IFT80: variants seen among roughly 807,000 people sequenced by gnomAD.
IFT80 encodes the protein intraflagellar transport protein 80 homolog.
Under a neutral mutation model 107.9 loss-of-function variants are expected in IFT80, and 79 were observed. The ratio of observed to expected loss-of-function variants is 0.73; its 90% CI spans 0.61 to 0.88. The LOEUF (loss-of-function observed/expected upper bound fraction) is 0.88, where lower values mean the gene tolerates loss of function less well. Ranked by LOEUF, IFT80 falls within the 40% of genes least tolerant of loss-of-function variation. The probability of loss-of-function intolerance (pLI) is 0.00; values close to 1 mark genes in which losing one functional copy is unlikely to be tolerated. For synonymous variants in IFT80, 299 were observed against 300.9 expected (o/e 0.99, Z 0.07); for missense variants, 797 against 914.2 (o/e 0.87, Z 1.65).
At chr3:160,267,544 G>A (rs1220675701) in intron 19 of IFT80, among the ~76,000 whole-genome samples, 2 of 152,198 alleles carry the variant, frequency 1.3e-5, no homozygotes, top group East Asian at 3.8e-4. Context: ...GCCCTGTCTT[G>A]TAATCACAGC....
At chr3:160,348,088 C>G (rs1351362160) in intron 8 of IFT80, among the ~76,000 whole-genome samples, 2 of 152,138 alleles carry the variant, frequency 1.3e-5, no homozygotes, top group African/African-American at 2.4e-5. Flanking sequence ...ATCTTTTCAA[C>G]TTATTGGGTA....
chr3:160,277,748 T>C (rs1477891457), intron 16 of IFT80, 78 bp from the exon 17 acceptor site: 9 of 861,586 alleles, frequency 1.0e-5, no homozygotes, highest in South Asian at 4.4e-5. Flanking sequence ...TAAATACTCA[T>C]ACTAAAATGA....
In IFT80 at chr3:160,257,943, A is replaced by G. The variant is rs1170410050; in HGVS notation, c.*582T>C. ...ATTTATCAGAATTTCATTCCTTTTT[A>G]AAGCTAAATAATATTCCATTGTATG... On this transcript the variant is annotated 3_prime_UTR_variant, in exon 20 of 20. Transcript: ENST00000326448. 1 of 153,742 alleles carries G rather than the reference A, an allele frequency of 6.5e-6. No homozygotes were observed. The highest frequency in any genetic ancestry group is 1.9e-4 in the East Asian group (1 of 5,246). 9.5% of individuals were successfully genotyped at this position (153,742 alleles called of 1,614,324 possible).
At chr3:160,395,967 C>G (rs954561854) in intron 1 of IFT80, among the ~76,000 whole-genome samples, 1 of 152,096 alleles carries the variant, frequency 6.6e-6, no homozygotes, top group African/African-American at 2.4e-5. Context: ...TGGTCTGGTG[C>G]TAGCTTCTCT....
intron 12 of IFT80, among the ~76,000 whole-genome samples, chr3:160,299,510 T>A (rs11714377): frequency 0.029 from 4,462 of 152,246 alleles, 101 homozygotes; most frequent in East Asian, 0.082. Flanking sequence ...TAATATTTAA[T>A]ATTTTTCACT....
chr3:160,343,619 T>C (rs1395672953), intron 8 of IFT80: 4 of 157,372 alleles, frequency 2.5e-5, no homozygotes, highest in East Asian at 3.8e-4. Flanking sequence ...ATCCCAAAGG[T>C]AATTCATTTG....
chr3:160,377,440 T>C lies in IFT80; in HGVS notation c.360A>G (p.Ala120=), dbSNP rs2108396922. 2 of 1,579,342 alleles carry C rather than the reference T, an allele frequency of 1.3e-6. No homozygotes were observed. Among genetic ancestry groups the C allele is most frequent in the South Asian group, 1.1e-5 (1 of 90,304 alleles). Residue 120 remains alanine, a synonymous_variant, in exon 4 of 20, where the codon GCA becomes GCG. Coordinates refer to ENST00000326448, the MANE Select transcript of IFT80 (RefSeq NM_020800.3). The stretch of plus-strand genomic sequence containing the variant: ...TTACAGACAACTTACCTGTAACTAA[T>C]GCTGTTCCTTCATAATTCCATCTTC... ...LAGRWNYEGT[A]LVTVGEDGQI... is the part of the protein sequence containing the mutation.
At chr3:160,360,132 T>C in intron 6 of IFT80, among the ~76,000 whole-genome samples, 1 of 152,154 alleles carries the variant, frequency 6.6e-6, no homozygotes, top group Non-Finnish European at 1.5e-5. Context: ...AATGGCTAAC[T>C]AGAATAAACA....
At chr3:160,389,246 T>C (rs377155738) in intron 1 of IFT80, among the ~76,000 whole-genome samples, 3 of 152,190 alleles carry the variant, frequency 2.0e-5, no homozygotes, top group African/African-American at 7.2e-5. Context: ...TTTTTCTAAA[T>C]AGATCTCATA....
intron 2 of IFT80, chr3:160,383,818 T>C: frequency 1.0e-6 from 1 of 985,390 alleles, no homozygotes; most frequent in Non-Finnish European, 1.2e-6. Flanking sequence ...CCTTCCCATG[T>C]GAAATAATGA....
chr3:160,333,576 T>G (rs1384563502), intron 8 of IFT80, among the ~76,000 whole-genome samples: 1 of 152,202 alleles, frequency 6.6e-6, no homozygotes, highest in Non-Finnish European at 1.5e-5. Flanking sequence ...TGTTAAAAAC[T>G]AAGATGTAAA....
chr3:160,296,851 C>T (rs1288726339), intron 12 of IFT80, among the ~76,000 whole-genome samples: 1 of 152,168 alleles, frequency 6.6e-6, no homozygotes, highest in Admixed American at 6.5e-5. Flanking sequence ...TGTCTTGAAA[C>T]TCTTATGTGG....
Position 160,304,439 on chromosome 3 carries a change from T to TC in IFT80, c.1077-451_1077-450insG, listed in dbSNP as rs1290698297. Among the ~76,000 whole-genome samples, 24 of 149,372 alleles carry TC rather than the reference T, an allele frequency of 1.6e-4. 1 individual carries two copies. The highest frequency in any genetic ancestry group is 3.3e-4 in the Admixed American group (5 of 15,050). ...CTGTCAGCCACTTGATTTTTTCTTTTTTTTTTTTTTTTTTGAGATGGAGTC... is the reference window on the plus strand; with the variant it reads ...CTGTCAGCCACTTGATTTTTTCTTTTCTTTTTTTTTTTTTTGAGATGGAGTC... On this transcript the variant is annotated intron_variant, in intron 10 of 19. Transcript: ENST00000326448.
At chr3:160,387,632 T>C (rs1048537231) in intron 1 of IFT80, among the ~76,000 whole-genome samples, 3 of 152,168 alleles carry the variant, frequency 2.0e-5, no homozygotes, top group Admixed American at 1.3e-4. Flanking sequence ...AAACATTCTG[T>C]TTTGGATATG....
chr3:160,265,404 T>C (rs1470722588), intron 19 of IFT80, among the ~76,000 whole-genome samples: 8 of 152,234 alleles, frequency 5.3e-5, no homozygotes, highest in Non-Finnish European at 1.0e-4. Context: ...ATCCTGCTCA[T>C]GAGTTTGATT....
At chr3:160,320,436 T>C in intron 8 of IFT80, among the ~76,000 whole-genome samples, 1 of 151,800 alleles carries the variant, frequency 6.6e-6, no homozygotes. Context: ...CTTTTCTTTT[T>C]TTTTTAACAG....
At chr3:160,314,467 C>T (rs1456257379) in intron 9 of IFT80, among the ~76,000 whole-genome samples, 2 of 152,052 alleles carry the variant, frequency 1.3e-5, no homozygotes, top group Non-Finnish European at 2.9e-5. Context: ...CTATCATGTC[C>T]CACAAAAGCT....
intron 18 of IFT80, among the ~76,000 whole-genome samples, chr3:160,277,060 T>C (rs1714323067): frequency 6.6e-6 from 1 of 152,186 alleles, no homozygotes; most frequent in Non-Finnish European, 1.5e-5. Context: ...TCATGATCTC[T>C]CCAGTTGCTA....
intron 12 of IFT80, among the ~76,000 whole-genome samples, chr3:160,299,486 G>C (rs113979689): frequency 6.6e-6 from 1 of 152,132 alleles, no homozygotes; most frequent in African/African-American, 2.4e-5. Flanking sequence ...TATTAACAGA[G>C]AGAAACAGTT....
Sources: gnomAD v4.1 joint callset for allele counts (sites outside exome capture counted in the v4.1 genomes callset) on GRCh38, gnomAD v4.1.1 for gene constraint, MANE v1.5 for transcripts, NCBI Gene and HGNC (gene_info 2026-07-23, HGNC 2026-07-21) for gene names.